NFXL1: variants seen among roughly 807,000 people sequenced by gnomAD.
NFXL1 encodes nuclear transcription factor, X-box binding like 1, also known as NF-X1-type zinc finger protein NFXL1.
Under a neutral mutation model 123.3 loss-of-function variants are expected in NFXL1, and 66 were observed. The observed-to-expected ratio is 0.54, with a 90% CI of 0.44 to 0.66. NFXL1 has a LOEUF of 0.66. Among genes scored for constraint, NFXL1 ranks in the 30% least tolerant of loss-of-function variants. NFXL1 has a pLI of 0.00. For synonymous variants in NFXL1, 346 were observed against 360.8 expected (o/e 0.96, Z 0.46); for missense variants, 944 against 1,125.6 (o/e 0.84, Z 2.31).
At chr4:47,867,439 C>A (rs1560585536) in intron 18 of NFXL1, among the ~76,000 whole-genome samples, 2 of 150,940 alleles carry the variant, frequency 1.3e-5, no homozygotes, top group African/African-American at 4.9e-5. Context: ...AAATGGGAGA[C>A]AGAAAAAGAA....
chr4:47,877,447 C>T (rs1429820334), intron 17 of NFXL1, among the ~76,000 whole-genome samples: 5 of 152,064 alleles, frequency 3.3e-5, no homozygotes, highest in African/African-American at 1.2e-4. Context: ...CAATAAATCT[C>T]TAATAGTCAT....
At chr4:47,913,011 CAAAAAAA>C (rs574444228) in intron 2 of NFXL1, among the ~76,000 whole-genome samples, 2 of 74,504 alleles carry the variant, frequency 2.7e-5, no homozygotes, top group Non-Finnish European at 5.3e-5. Context: ...GACTCTGTCT[CAAAAAAA>C]AAAAAAAAAA....
intron 15 of NFXL1, among the ~76,000 whole-genome samples, chr4:47,883,275 AC>A (rs1430896107): frequency 6.6e-6 from 1 of 151,998 alleles, no homozygotes; most frequent in African/African-American, 2.4e-5. Flanking sequence ...AGACTAAGGA[AC>A]TCAATGGTAA....
chr4:47,897,760 T>C (rs186497080), intron 9 of NFXL1, among the ~76,000 whole-genome samples: 4 of 152,122 alleles, frequency 2.6e-5, no homozygotes, highest in Non-Finnish European at 4.4e-5. Flanking sequence ...TCTCTCTCTC[T>C]CCCCAACCCC....
At chr4:47,897,712 C>T (rs1023399518) in intron 9 of NFXL1, among the ~76,000 whole-genome samples, 21 of 152,032 alleles carry the variant, frequency 1.4e-4, no homozygotes, top group Non-Finnish European at 2.6e-4. Flanking sequence ...GGAGGAGTTT[C>T]CCTGCCCTGA....
At chr4:47,906,986 A>C (rs954513450) in intron 3 of NFXL1, among the ~76,000 whole-genome samples, 2 of 152,258 alleles carry the variant, frequency 1.3e-5, no homozygotes, top group African/African-American at 2.4e-5. Flanking sequence ...AATGACTTTG[A>C]GCAAGTTACC....
chr4:47,847,965 T>C lies in NFXL1; in HGVS notation c.*198A>G. ...TTTTAGTTTCAGTCATGCCTTCACT[T>C]TAAAACAGTATTATACTGCCCTTTC... On this transcript the variant is annotated 3_prime_UTR_variant, in exon 23 of 23. Transcript: ENST00000507489. 3.5e-6 allele frequency: 1 copy of C among 282,840 alleles called. No individual in the cohort carries two copies. The highest frequency in any genetic ancestry group is 5.7e-6 in the Non-Finnish European group (1 of 175,162). 17.5% of individuals were successfully genotyped at this position (282,840 alleles called of 1,614,324 possible). A position where few individuals can be genotyped will look rare whatever the true frequency, so the allele number is the denominator to read the frequency against.
In NFXL1 at chr4:47,914,493, C is replaced by G; in HGVS notation, c.-131G>C. 1 of 355,894 alleles carries G rather than the reference C, an allele frequency of 2.8e-6. No individual in the cohort carries two copies. Among genetic ancestry groups the G allele is most frequent in the Non-Finnish European group, 5.1e-6 (1 of 195,956 alleles). 22.0% of individuals were successfully genotyped at this position (355,894 alleles called of 1,614,324 possible). On this transcript the variant is annotated 5_prime_UTR_variant, in exon 1 of 23. Transcript: ENST00000507489. ...GAAGACAGAAAGCCGGAGGAGAAGT[C>G]GAAACCGCCTCCTCAGCCTCTGCGG... is the stretch of plus-strand genomic sequence containing the variant.
chr4:47,859,849 AAAAAAAAAAAAAAAAAAAAAAC>A (rs1458831152), intron 19 of NFXL1, among the ~76,000 whole-genome samples: 2 of 60,156 alleles, frequency 3.3e-5, no homozygotes, highest in Non-Finnish European at 7.0e-5. Flanking sequence ...CTCAAAAAAA[AAAAAAAAAAAAAAAAAAAAAAC>A]AAACAAACAA....
chr4:47,910,745 T>C, intron 3 of NFXL1, 79 bp downstream of exon 3: 2 of 817,112 alleles, frequency 2.4e-6, no homozygotes, highest in Non-Finnish European at 3.8e-6. Context: ...CTATTCCATA[T>C]AGAACAAAGG....
At chr4:47,880,033 G>T (rs1193163644) in intron 15 of NFXL1, among the ~76,000 whole-genome samples, 2 of 151,962 alleles carry the variant, frequency 1.3e-5, no homozygotes, top group African/African-American at 4.8e-5. Context: ...CACAATCCAT[G>T]AAATAAAAAT....
At position 47,899,138 on chromosome 4, in the gene NFXL1, CAAAAA is replaced by C. The variant is rs3057881; in HGVS notation, c.827-23_827-19del. On this transcript the variant is annotated intron_variant, in intron 6 of 22. Transcript: ENST00000507489. Reference sequence around the variant, plus strand: ...GCAGGGACCTAGAATTCAGTAAAAGCAAAAAAAAAAAAAAAAAAAAAATCTAAAGT... The same window carrying C: ...GCAGGGACCTAGAATTCAGTAAAAGCAAAAAAAAAAAAAAAAATCTAAAGT... The C allele has an allele frequency of 0.038, 44,876 of 1,173,026 alleles. 3 individuals are homozygous for C. The highest frequency in any genetic ancestry group is 0.052 in the South Asian group (2,766 of 52,994). The allele number at this position is 1,173,026 out of a possible 1,614,324, so 72.7% of individuals were successfully genotyped here. A position where few individuals can be genotyped will look rare whatever the true frequency, so the allele number is the denominator to read the frequency against.
intron 19 of NFXL1, among the ~76,000 whole-genome samples, chr4:47,856,558 C>G (rs950840242): frequency 1.3e-5 from 2 of 152,084 alleles, no homozygotes; most frequent in African/African-American, 4.8e-5. Context: ...TATGATTCAC[C>G]AGATTGATTT....
intron 12 of NFXL1, 29 bp downstream of exon 12, chr4:47,890,584 A>G: frequency 8.0e-7 from 1 of 1,252,332 alleles, no homozygotes; most frequent in Non-Finnish European, 1.2e-6. Flanking sequence ...CACTACAAAC[A>G]TAAAATCATA....
chr4:47,877,236 ATGGC>A, intron 17 of NFXL1: 1 of 448,718 alleles, frequency 2.2e-6, no homozygotes. Context: ...CCTTCCAGCT[ATGGC>A]AGAAACAAAA....
chr4:47,904,570 C>T (rs1380004147), intron 4 of NFXL1, among the ~76,000 whole-genome samples: 1 of 152,202 alleles, frequency 6.6e-6, no homozygotes, highest in Non-Finnish European at 1.5e-5. Context: ...ATTTCTGATT[C>T]ACTCTACATG....
intron 5 of NFXL1, among the ~76,000 whole-genome samples, chr4:47,900,672 C>T (rs1344609036): frequency 6.6e-6 from 1 of 152,188 alleles, no homozygotes; most frequent in Non-Finnish European, 1.5e-5. Context: ...TCAGTTCATT[C>T]TCAAAAGATG....
At chr4:47,851,734 C>T (rs1457961742) in intron 21 of NFXL1, 122 bp downstream of exon 21, 2 of 620,976 alleles carry the variant, frequency 3.2e-6, no homozygotes, top group Admixed American at 6.1e-5. Context: ...GCCTATAAAA[C>T]TAGGCTTTTA....
At position 47,895,507 on chromosome 4, in the gene NFXL1, C is replaced by T. The variant is rs73814608; in HGVS notation, c.1329+1016G>A. Among the ~76,000 whole-genome samples the T allele has an allele frequency of 8.4e-3, 1,279 of 152,320 alleles. 22 individuals are homozygous for T. The highest frequency in any genetic ancestry group is 0.03 in the African/African-American group (1,239 of 41,568). On this transcript the variant is annotated intron_variant, in intron 10 of 22. Coordinates refer to ENST00000507489, the MANE Select transcript of NFXL1 (RefSeq NM_001278624.2). ...TACATCAACACTTGCTGTTTCACCT[C>T]GCACCTTTATATTATGAAGAGGGCT...
Sources: gnomAD v4.1 joint callset for allele counts (sites outside exome capture counted in the v4.1 genomes callset) on GRCh38, gnomAD v4.1.1 for gene constraint, MANE v1.5 for transcripts, NCBI Gene and HGNC (gene_info 2026-07-23, HGNC 2026-07-21) for gene names.